POF1B: variants seen among roughly 807,000 people sequenced by gnomAD.
POF1B encodes protein POF1B.
POF1B carries 53 observed loss-of-function variants against 55.3 expected under a neutral mutation model. That is an observed-to-expected ratio of 0.96 (90% CI 0.77 to 1.20). The LOEUF is 1.20. Ranked by LOEUF, POF1B falls within the 50% of genes most tolerant of loss-of-function variation. POF1B has a pLI of 0.00. For synonymous variants in POF1B, 188 were observed against 148.3 expected (o/e 1.27, Z -1.95); for missense variants, 478 against 420.5 (o/e 1.14, Z -1.20).
chrX:85,370,869 C>G (rs1933808386), intron 2 of POF1B, among the ~76,000 whole-genome samples: 1 of 112,058 alleles, frequency 8.9e-6, no homozygotes, highest in African/African-American at 3.2e-5. Flanking sequence ...CTCTTAATAA[C>G]CTGTATCAGT....
At chrX:85,346,652 A>G (rs1310673759) in intron 5 of POF1B, among the ~76,000 whole-genome samples, 1 of 110,364 alleles carries the variant, frequency 9.1e-6, no homozygotes, top group African/African-American at 3.3e-5. Flanking sequence ...AACCTTTATG[A>G]GCCTCCATTT....
intron 7 of POF1B, among the ~76,000 whole-genome samples, chrX:85,323,459 G>T (rs1378555309): frequency 1.2e-4 from 13 of 104,787 alleles, no homozygotes; most frequent in African/African-American, 4.6e-4. Flanking sequence ...GTGGGGGGAA[G>T]GGGGAGGGAT....
chrX:85,299,920 T>G (rs961760018), intron 15 of POF1B, among the ~76,000 whole-genome samples: 1 of 112,720 alleles, frequency 8.9e-6, no homozygotes, highest in Non-Finnish European at 1.9e-5. Flanking sequence ...TTGATTTGTC[T>G]GTTGATTCTG....
intron 15 of POF1B, among the ~76,000 whole-genome samples, chrX:85,291,166 C>T (rs913107057): frequency 1.1e-4 from 12 of 111,723 alleles, no homozygotes; most frequent in African/African-American, 3.9e-4. Context: ...AGGCAGTTAT[C>T]CTGGCACCAT....
rs1308310144 is a variant in POF1B at position 85,321,125 on chromosome X, A to C, written c.855-5391T>G. ...ACATCATCCTGATACCAAAGCCGGG[A>C]AGAGACACAACCAAAAAAGAGAATT... is the stretch of plus-strand genomic sequence containing the variant. On this transcript the variant is annotated intron_variant, in intron 7 of 16. Coordinates refer to ENST00000262753, the MANE Select transcript of POF1B (RefSeq NM_024921.4). Among the ~76,000 whole-genome samples the C allele has an allele frequency of 6.3e-5, 7 of 111,550 alleles. No homozygotes were observed. In the East Asian group the frequency reaches 2.0e-3, roughly 32 times the overall value.
intron 13 of POF1B, among the ~76,000 whole-genome samples, chrX:85,305,523 C>CA (rs1932550219): frequency 9.0e-6 from 1 of 110,871 alleles, no homozygotes; most frequent in South Asian, 3.7e-4. Flanking sequence ...CCATCTATCC[C>CA]AAAAAATAAA....
intron 7 of POF1B, among the ~76,000 whole-genome samples, chrX:85,326,265 G>A (rs1259351784): frequency 1.8e-5 from 2 of 110,312 alleles, no homozygotes; most frequent in Non-Finnish European, 3.8e-5. Context: ...TGGCAGCGGT[G>A]GCAGCATGGT....
At chrX:85,316,821 T>A (rs1237866722) in intron 7 of POF1B, among the ~76,000 whole-genome samples, 2 of 110,417 alleles carry the variant, frequency 1.8e-5, no homozygotes, top group Non-Finnish European at 3.8e-5. Context: ...ATTTCATCAA[T>A]GAGGTAATAA....
chrX:85,374,478 C>G (rs1223008051), intron 2 of POF1B, among the ~76,000 whole-genome samples: 1 of 112,050 alleles, frequency 8.9e-6, no homozygotes, highest in East Asian at 2.8e-4. Context: ...GGCTTTGTTT[C>G]TAAATATTTG....
intron 2 of POF1B, among the ~76,000 whole-genome samples, chrX:85,377,409 T>C (rs950684574): frequency 1.8e-5 from 2 of 112,376 alleles, no homozygotes; most frequent in African/African-American, 6.4e-5. Context: ...CCAACTCAGT[T>C]TGAAAATTTA....
chrX:85,322,128 A>G (rs1932844416), intron 7 of POF1B, among the ~76,000 whole-genome samples: 1 of 111,445 alleles, frequency 9.0e-6, no homozygotes, highest in Non-Finnish European at 1.9e-5. Flanking sequence ...AAGAGCCCGC[A>G]TCGCCAAGTC....
intron 16 of POF1B, 147 bp from the exon 17 acceptor site, chrX:85,279,573 A>G (rs1931852817): frequency 4.9e-6 from 2 of 412,044 alleles, no homozygotes; most frequent in Admixed American, 4.2e-5. Flanking sequence ...TTTTATATAT[A>G]TATATTCAAT....
At chrX:85,378,994 CA>C (rs1933966384) in intron 2 of POF1B, among the ~76,000 whole-genome samples, 178 bp downstream of exon 2, 1 of 111,806 alleles carries the variant, frequency 8.9e-6, no homozygotes, top group Non-Finnish European at 1.9e-5. Flanking sequence ...CAAACAACCA[CA>C]GACACTAGTA....
At chrX:85,371,119 G>A (rs1289855212) in intron 2 of POF1B, among the ~76,000 whole-genome samples, 1 of 111,086 alleles carries the variant, frequency 9.0e-6, no homozygotes, top group Non-Finnish European at 1.9e-5. Context: ...TATACTACTA[G>A]CCACTTTTGT....
intron 7 of POF1B, among the ~76,000 whole-genome samples, chrX:85,317,078 C>T (rs943577520): frequency 9.1e-6 from 1 of 110,224 alleles, no homozygotes; most frequent in African/African-American, 3.3e-5. Context: ...TGGCTATATA[C>T]TATTCCATGG....
intron 2 of POF1B, among the ~76,000 whole-genome samples, chrX:85,371,724 T>C (rs1384955225): frequency 9.0e-6 from 1 of 111,580 alleles, no homozygotes; most frequent in Non-Finnish European, 1.9e-5. Flanking sequence ...CAAAAGCAAC[T>C]TTGGAGGCCT....
At chrX:85,299,577 C>T (rs1215033103) in intron 15 of POF1B, among the ~76,000 whole-genome samples, 7 of 101,731 alleles carry the variant, frequency 6.9e-5, no homozygotes, top group Middle Eastern at 5.5e-3. Flanking sequence ...CGTGAGCCAC[C>T]GCGCCCAGCC....
chrX:85,346,439 T>TA lies in POF1B; in HGVS notation c.541-398dup, dbSNP rs989645093. Among the ~76,000 whole-genome samples the TA allele has an allele frequency of 3.4e-4, 37 of 110,087 alleles. 1 individual carries two copies. The highest frequency in any genetic ancestry group is 5.7e-5 in the Non-Finnish European group (3 of 52,541). ...CCGAAGATATAGGTAAATTTAAAAT[T>TA]AAAAAATAATATAGTGATTTTCAAT... On this transcript the variant is annotated intron_variant, in intron 5 of 16. Coordinates refer to ENST00000262753, the MANE Select transcript of POF1B (RefSeq NM_024921.4).
At chrX:85,365,917 C>T (rs933103996) in intron 3 of POF1B, among the ~76,000 whole-genome samples, 4 of 110,642 alleles carry the variant, frequency 3.6e-5, no homozygotes, top group Admixed American at 2.9e-4. Context: ...AGGCCTAAGT[C>T]GGGGGTTCCC....
Sources: allele counts gnomAD v4.1 joint callset (sites outside exome capture counted in the v4.1 genomes callset), GRCh38; gene constraint gnomAD v4.1.1; transcripts MANE v1.5; gene names NCBI Gene and HGNC (gene_info 2026-07-23, HGNC 2026-07-21).